Variants in MBOAT1 observed in about 807,000 individuals in gnomAD.
The protein encoded by MBOAT1 is membrane bound glycerophospholipid O-acyltransferase 1.
In MBOAT1, 67 loss-of-function variants were observed where a neutral mutation model predicts 64.4. The observed-to-expected ratio is 1.04, with a 90% CI of 0.85 to 1.27. MBOAT1 has a LOEUF of 1.27. Among genes scored for constraint, MBOAT1 ranks in the 50% most tolerant of loss-of-function variants. MBOAT1 has a pLI of 0.00. For missense variants in MBOAT1, 563 were observed against 604.6 expected (o/e 0.93, Z 0.72); for synonymous variants, 229 against 218.9 (o/e 1.05, Z -0.41).
At chr6:20,183,561 A>C (rs776295428) in intron 1 of MBOAT1, among the ~76,000 whole-genome samples, 2 of 151,416 alleles carry the variant, frequency 1.3e-5, no homozygotes, top group Non-Finnish European at 2.9e-5. Context: ...AAGTCAAAGG[A>C]AATGGATAAA....
intron 7 of MBOAT1, among the ~76,000 whole-genome samples, chr6:20,126,131 T>C (rs780537373): frequency 9.9e-5 from 15 of 152,206 alleles, no homozygotes; most frequent in Non-Finnish European, 1.9e-4. Flanking sequence ...AAAAACACAG[T>C]AATTCCAGTT....
chr6:20,130,591 G>C (rs952536791), intron 5 of MBOAT1, among the ~76,000 whole-genome samples: 5 of 151,904 alleles, frequency 3.3e-5, no homozygotes, highest in Non-Finnish European at 5.9e-5. Flanking sequence ...CTGACCTCGT[G>C]ATCTGCCCAC....
intron 1 of MBOAT1, among the ~76,000 whole-genome samples, chr6:20,185,656 G>T (rs559989629): frequency 6.6e-6 from 1 of 152,146 alleles, no homozygotes; most frequent in African/African-American, 2.4e-5. Flanking sequence ...TGTGGAGAAC[G>T]CTGGCTAATA....
At position 20,122,842 on chromosome 6, in the gene MBOAT1, T is replaced by A. The variant is rs139629362; in HGVS notation, c.907+1566A>T. 4.1e-3 allele frequency among the ~76,000 whole-genome samples: 621 copies of A among 152,190 alleles called. 4 individuals carry two copies. The highest frequency in any genetic ancestry group is 0.014 in the African/African-American group (577 of 41,528). On this transcript the variant is annotated intron_variant, in intron 8 of 12. Coordinates refer to ENST00000324607, the MANE Select transcript of MBOAT1 (RefSeq NM_001080480.3). ...TTGCCACAATGAAAAAAAAATTATT[T>A]TTTTTTTGAGGCAGAGTCTTGCTCC...
intron 1 of MBOAT1, among the ~76,000 whole-genome samples, chr6:20,175,894 G>T (rs906504514): frequency 6.9e-6 from 1 of 144,520 alleles, no homozygotes; most frequent in African/African-American, 2.4e-5. Context: ...ATGAGTCACT[G>T]CATCCAGCCA....
chr6:20,136,848 G>A (rs1013412611), intron 4 of MBOAT1, among the ~76,000 whole-genome samples: 23 of 152,180 alleles, frequency 1.5e-4, no homozygotes, highest in Admixed American at 9.2e-4. Context: ...TACTGCTTTC[G>A]CATTTTCAAT....
At chr6:20,104,352 C>G (rs1759890738) in intron 12 of MBOAT1, among the ~76,000 whole-genome samples, 1 of 152,198 alleles carries the variant, frequency 6.6e-6, no homozygotes, top group Admixed American at 6.5e-5. Flanking sequence ...ATAAAAGGTT[C>G]TTCTTTTGTG....
At chr6:20,161,828 G>A (rs567777598) in intron 1 of MBOAT1, among the ~76,000 whole-genome samples, 14 of 152,212 alleles carry the variant, frequency 9.2e-5, no homozygotes, top group African/African-American at 3.1e-4. Flanking sequence ...ACTTAGTAGT[G>A]GCCTGTATTC....
intron 1 of MBOAT1, among the ~76,000 whole-genome samples, chr6:20,162,315 G>GT (rs1293671582): frequency 6.6e-6 from 1 of 152,142 alleles, no homozygotes; most frequent in Non-Finnish European, 1.5e-5. Context: ...TAGGAAGCAG[G>GT]TAAGACTCAA....
intron 1 of MBOAT1, among the ~76,000 whole-genome samples, chr6:20,194,128 A>T (rs1210537436): frequency 6.6e-6 from 1 of 152,028 alleles, no homozygotes; most frequent in Non-Finnish European, 1.5e-5. Flanking sequence ...TGATCCAAAA[A>T]AAAAAGCACG....
intron 9 of MBOAT1, 130 bp downstream of exon 9, chr6:20,118,307 C>G: frequency 1.4e-6 from 1 of 706,482 alleles, no homozygotes; most frequent in South Asian, 1.7e-5. Flanking sequence ...CAGTAGGCTG[C>G]TGAGCCTGGC....
At chr6:20,143,160 C>T (rs972259276) in intron 4 of MBOAT1, among the ~76,000 whole-genome samples, 5 of 152,162 alleles carry the variant, frequency 3.3e-5, no homozygotes, top group Admixed American at 1.3e-4. Context: ...ACTAAACTCC[C>T]GGGAAGTAAC....
chr6:20,110,716 AT>A, intron 11 of MBOAT1, among the ~76,000 whole-genome samples: 1 of 152,278 alleles, frequency 6.6e-6, no homozygotes, highest in East Asian at 1.9e-4. Context: ...AATGACACCA[AT>A]ATAATTTCTA....
At chr6:20,164,819 T>C (rs1761970545) in intron 1 of MBOAT1, among the ~76,000 whole-genome samples, 1 of 152,156 alleles carries the variant, frequency 6.6e-6, no homozygotes, top group South Asian at 2.1e-4. Flanking sequence ...TTTAAGATGG[T>C]GTGAAAGTGA....
intron 8 of MBOAT1, among the ~76,000 whole-genome samples, chr6:20,122,720 A>G (rs1760528922): frequency 7.9e-5 from 12 of 152,144 alleles, no homozygotes; most frequent in Admixed American, 7.9e-4. Flanking sequence ...AGATCTAGAG[A>G]TAGACGGTGG....
chr6:20,139,695 A>C (rs192198810), intron 4 of MBOAT1, among the ~76,000 whole-genome samples: 104 of 151,702 alleles, frequency 6.9e-4, no homozygotes, highest in Admixed American at 2.2e-3. Flanking sequence ...CTGGGACTAC[A>C]GGTACACACC....
chr6:20,177,609 TA>T (rs1218630005), intron 1 of MBOAT1, among the ~76,000 whole-genome samples: 2 of 151,786 alleles, frequency 1.3e-5, no homozygotes, highest in East Asian at 1.9e-4. Context: ...CCGTCTCTAC[TA>T]AAAAATACAA....
intron 12 of MBOAT1, among the ~76,000 whole-genome samples, chr6:20,107,495 G>A (rs1018596253): frequency 6.6e-6 from 1 of 152,098 alleles, no homozygotes; most frequent in African/African-American, 2.4e-5. Flanking sequence ...GCAGATTCCT[G>A]TTACATACTC....
rs10428825 is a variant in MBOAT1, at chr6:20,099,830, G to A, written c.*2456C>T. ...GTAATAAAAACAGTCCCAACCTTCC[G>A]TCTAAATGTTGGTCCTCAGTTGAAA... On this transcript the variant is annotated 3_prime_UTR_variant, in exon 13 of 13. Transcript: ENST00000324607. 0.013 allele frequency among the ~76,000 whole-genome samples: 2,020 copies of A among 152,262 alleles called. 41 individuals are homozygous for A. Among genetic ancestry groups the A allele is most frequent in the African/African-American group, 0.041 (1,706 of 41,548 alleles).
Sources: gnomAD v4.1 joint callset for allele counts (sites outside exome capture counted in the v4.1 genomes callset) on GRCh38, gnomAD v4.1.1 for gene constraint, MANE v1.5 for transcripts, NCBI Gene and HGNC (gene_info 2026-07-23, HGNC 2026-07-21) for gene names.